The following IL1RAPL1 variants were observed in gnomAD, a reference collection of about 807,000 sequenced individuals.
The protein encoded by IL1RAPL1 is interleukin-1 receptor accessory protein-like 1.
IL1RAPL1 carries 3 observed loss-of-function variants against 48.4 expected under a neutral mutation model. That is an observed-to-expected ratio of 0.06 (90% confidence interval 0.03 to 0.16). The LOEUF is 0.16. Ranked by LOEUF, IL1RAPL1 falls within the 10% of genes least tolerant of loss-of-function variation. The pLI, the probability that IL1RAPL1 is intolerant of heterozygous loss-of-function variation, is 1.00. For synonymous variants in IL1RAPL1, 185 were observed against 187.7 expected, an observed-to-expected ratio of 0.99 and a Z score of 0.12; for missense variants, 349 against 530.6, an observed-to-expected ratio of 0.66 and a Z score of 3.36.
At chrX:28,794,781 A>G (rs1936590822) in intron 2 of IL1RAPL1, among the ~76,000 whole-genome samples, 1 of 112,309 alleles carries the variant, frequency 8.9e-6, no homozygotes, top group South Asian at 3.7e-4. Flanking sequence ...AACCAAAGAC[A>G]CAGTTTCAGT....
intron 6 of IL1RAPL1, among the ~76,000 whole-genome samples, chrX:29,803,680 G>T (rs768169172): frequency 9.5e-6 from 1 of 105,425 alleles, no homozygotes; most frequent in South Asian, 4.1e-4. Flanking sequence ...CAATTTATGT[G>T]CATGAATTGT....
At chrX:29,566,698 T>C (rs773179317) in intron 5 of IL1RAPL1, among the ~76,000 whole-genome samples, 1 of 112,275 alleles carries the variant, frequency 8.9e-6, no homozygotes, top group South Asian at 3.7e-4. Context: ...GGGAAATGTG[T>C]TTATGAGTAA....
intron 6 of IL1RAPL1, among the ~76,000 whole-genome samples, chrX:29,703,635 G>A (rs137864129): frequency 0.026 from 2,953 of 111,718 alleles, 90 homozygotes; most frequent in African/African-American, 0.091. Context: ...GAGCCACCGC[G>A]CCCAGAATAT....
At chrX:28,870,238 G>T (rs145707064) in intron 2 of IL1RAPL1, among the ~76,000 whole-genome samples, 1,513 of 111,045 alleles carry the variant, frequency 0.014, 15 homozygotes, top group Non-Finnish European at 0.02. Flanking sequence ...GTTCTTCTGG[G>T]TATATACCTA....
intron 5 of IL1RAPL1, among the ~76,000 whole-genome samples, chrX:29,623,041 C>T (rs996663012): frequency 8.5e-5 from 9 of 106,057 alleles, no homozygotes; most frequent in East Asian, 5.9e-4. Flanking sequence ...GAGGCCGAGG[C>T]GGGCGGATCA....
intron 3 of IL1RAPL1, among the ~76,000 whole-genome samples, chrX:29,333,432 G>A (rs575479664): frequency 6.5e-5 from 6 of 92,678 alleles, no homozygotes; most frequent in East Asian, 3.6e-4. Flanking sequence ...CCTCCCGGAC[G>A]GGGCGGCTGG....
chrX:29,839,855 A>G (rs1931099069), intron 6 of IL1RAPL1, among the ~76,000 whole-genome samples: 1 of 112,248 alleles, frequency 8.9e-6, no homozygotes, highest in South Asian at 3.7e-4. Flanking sequence ...CAGAAGTTCA[A>G]GGTTGCAGTG....
At chrX:29,055,551 C>T (rs1039028126) in intron 2 of IL1RAPL1, among the ~76,000 whole-genome samples, 6 of 111,333 alleles carry the variant, frequency 5.4e-5, no homozygotes, top group Middle Eastern at 4.7e-3. Flanking sequence ...GTATTGAGTG[C>T]GCTATACTAA....
At chrX:29,820,467 G>C (rs760686384) in intron 6 of IL1RAPL1, among the ~76,000 whole-genome samples, 29 of 112,036 alleles carry the variant, frequency 2.6e-4, no homozygotes, top group African/African-American at 8.7e-4. Context: ...GCCATGGGGA[G>C]CTTCTCAGAA....
At chrX:29,455,059 A>G (rs977943690) in intron 5 of IL1RAPL1, among the ~76,000 whole-genome samples, 9 of 111,405 alleles carry the variant, frequency 8.1e-5, no homozygotes, top group African/African-American at 2.9e-4. Context: ...TGCTGAAATC[A>G]TTTTAAATAA....
intron 2 of IL1RAPL1, among the ~76,000 whole-genome samples, chrX:28,841,719 A>AT (rs200299983): frequency 1.9e-3 from 211 of 109,078 alleles, no homozygotes; most frequent in African/African-American, 6.0e-3. Context: ...AATAAAACAC[A>AT]TTTTTTTTTC....
At chrX:29,137,962 A>ACAC (rs1929165042) in intron 2 of IL1RAPL1, among the ~76,000 whole-genome samples, 1 of 112,937 alleles carries the variant, frequency 8.9e-6, no homozygotes, top group Admixed American at 9.4e-5. Flanking sequence ...TTTAGCAAGA[A>ACAC]CACTATAAAG....
At chrX:28,664,734 T>A (rs1934856299) in intron 1 of IL1RAPL1, among the ~76,000 whole-genome samples, 1 of 111,801 alleles carries the variant, frequency 8.9e-6, no homozygotes, top group African/African-American at 3.3e-5. Context: ...AGCTACACTC[T>A]ACTACATTCA....
intron 6 of IL1RAPL1, among the ~76,000 whole-genome samples, chrX:29,771,739 A>G (rs1929070214): frequency 8.9e-6 from 1 of 111,744 alleles, no homozygotes; most frequent in South Asian, 3.8e-4. Flanking sequence ...CTTCCTTAAA[A>G]AGTGTCAAGA....
intron 3 of IL1RAPL1, among the ~76,000 whole-genome samples, chrX:29,329,347 G>A (rs1038816174): frequency 9.0e-6 from 1 of 111,289 alleles, no homozygotes; most frequent in African/African-American, 3.3e-5. Context: ...CCACTCTTAG[G>A]TATATACCCA....
At chrX:28,768,733 C>G (rs113989358) in intron 1 of IL1RAPL1, among the ~76,000 whole-genome samples, 1,049 of 65,622 alleles carry the variant, frequency 0.016, 20 homozygotes, top group African/African-American at 0.062. Context: ...CTCTCTGTCT[C>G]TCTCTCTCTC....
chrX:29,241,836 CA>C (rs1931427605), intron 2 of IL1RAPL1, among the ~76,000 whole-genome samples: 1 of 111,684 alleles, frequency 9.0e-6, no homozygotes, highest in East Asian at 2.8e-4. Context: ...CTCTATATAA[CA>C]TTTTTTTTCC....
chrX:28,993,445 C>T (rs1466409741), intron 2 of IL1RAPL1, among the ~76,000 whole-genome samples: 1 of 111,160 alleles, frequency 9.0e-6, no homozygotes, highest in Non-Finnish European at 1.9e-5. Context: ...GTGAACAAGT[C>T]GATCCAAGAT....
intron 6 of IL1RAPL1, among the ~76,000 whole-genome samples, chrX:29,889,804 C>CA (rs769819168): frequency 7.2e-5 from 8 of 110,853 alleles, no homozygotes; most frequent in Non-Finnish European, 1.3e-4. Context: ...GGAGTGAAAC[C>CA]AAAGCACAGA....
Sources: allele counts gnomAD v4.1 joint callset (sites outside exome capture counted in the v4.1 genomes callset), GRCh38; gene constraint gnomAD v4.1.1; transcripts MANE v1.5; gene names NCBI Gene and HGNC (gene_info 2026-07-23, HGNC 2026-07-21).